HAPSTR1: variants seen among roughly 807,000 people sequenced by gnomAD.
The protein encoded by HAPSTR1 is HUWE1-associated protein modifying stress responses 1.
the HAPSTR1 span, chr16:9,113,175 A>G: frequency 6.6e-6 from 1 of 152,162 alleles, no homozygotes; most frequent in Non-Finnish European, 1.5e-5. Context: ...TGGGCTGTCA[A>G]AATGCACATT....
the HAPSTR1 span, chr16:9,103,939 T>C: frequency 6.6e-6 from 1 of 152,264 alleles, no homozygotes. Flanking sequence ...TGCTTGTTGC[T>C]GTCTAATACA....
chr16:9,103,298 A>G, the HAPSTR1 span: 5 of 1,593,502 alleles, frequency 3.1e-6, no homozygotes, highest in South Asian at 2.3e-5. Context: ...AAAAATGGTT[A>G]AGAGGGTGCC....
At chr16:9,106,465 A>C in the HAPSTR1 span, 103,832 of 151,336 alleles carry the variant, frequency 0.69, 35,768 homozygotes, top group East Asian at 0.79. Flanking sequence ...TTTGTAGTAG[A>C]GATGGGGTTT....
the HAPSTR1 span, among the ~76,000 whole-genome samples, chr16:9,095,383 A>G: frequency 6.6e-6 from 1 of 152,232 alleles, no homozygotes; most frequent in Non-Finnish European, 1.5e-5. Context: ...ATGCAGCAGT[A>G]AGTAGTACTA....
chr16:9,120,123 A>G, the HAPSTR1 span: 2 of 152,190 alleles, frequency 1.3e-5, no homozygotes, highest in African/African-American at 4.8e-5. Flanking sequence ...TGCTTCATTC[A>G]TTAGATTGGT....
At chr16:9,093,350 G>C in the HAPSTR1 span, among the ~76,000 whole-genome samples, 2 of 152,188 alleles carry the variant, frequency 1.3e-5, no homozygotes, top group Non-Finnish European at 2.9e-5. Context: ...CCTAAAGTCA[G>C]TAGTGCTCAG....
At chr16:9,092,854 T>G in the HAPSTR1 span, 6 of 1,411,650 alleles carry the variant, frequency 4.3e-6, no homozygotes, top group Non-Finnish European at 4.8e-6. Context: ...CTTGTTCTCT[T>G]TCTTTCTCTT....
the HAPSTR1 span, chr16:9,112,821 CTAATCATT>C: frequency 6.6e-6 from 1 of 152,132 alleles, no homozygotes; most frequent in Non-Finnish European, 1.5e-5. Context: ...TACCCCTGGA[CTAATCATT>C]TAAAATGGAT....
At chr16:9,104,577 T>G in the HAPSTR1 span, 2 of 152,218 alleles carry the variant, frequency 1.3e-5, no homozygotes. Flanking sequence ...CGTAGTTCTT[T>G]CCTGAAACCC....
At chr16:9,104,496 A>G in the HAPSTR1 span, 1 of 152,236 alleles carries the variant, frequency 6.6e-6, no homozygotes, top group Admixed American at 6.5e-5. Flanking sequence ...GTGGCATATA[A>G]AGAAACTTTA....
chr16:9,102,005 C>G, the HAPSTR1 span, among the ~76,000 whole-genome samples: 1,656 of 152,272 alleles, frequency 0.011, 22 homozygotes, highest in Admixed American at 0.016. Context: ...CCTGTAATCC[C>G]AGCTACTCAG....
At chr16:9,101,552 C>G in the HAPSTR1 span, among the ~76,000 whole-genome samples, 1 of 152,048 alleles carries the variant, frequency 6.6e-6, no homozygotes, top group South Asian at 2.1e-4. Context: ...CATCCCAGGT[C>G]CTACTTTGAT....
At chr16:9,103,699 T>G in the HAPSTR1 span, 1 of 162,756 alleles carries the variant, frequency 6.1e-6, no homozygotes, top group Admixed American at 5.9e-5. Context: ...ACACCTTTCT[T>G]ACTTGGTTTG....
the HAPSTR1 span, chr16:9,106,480 A>C: frequency 1.3e-5 from 2 of 151,746 alleles, no homozygotes; most frequent in South Asian, 4.2e-4. Context: ...GGGTTTCATC[A>C]TGTTGGCGAA....
chr16:9,096,107 G>T, the HAPSTR1 span, among the ~76,000 whole-genome samples: 7 of 152,074 alleles, frequency 4.6e-5, no homozygotes, highest in Non-Finnish European at 1.0e-4. Context: ...TACCTTTATG[G>T]TCCTGGAGAC....
chr16:9,104,446 T>G, the HAPSTR1 span: 3 of 152,286 alleles, frequency 2.0e-5, no homozygotes, highest in Admixed American at 2.0e-4. Flanking sequence ...ATAGTACAGG[T>G]CATCTAAAAC....
At chr16:9,091,894 G>T in the HAPSTR1 span, 1 of 536,154 alleles carries the variant, frequency 1.9e-6, no homozygotes. Context: ...GCCGGCCGTC[G>T]GGGTGCAGGA....
the HAPSTR1 span, among the ~76,000 whole-genome samples, chr16:9,115,527 T>G: frequency 6.6e-6 from 1 of 152,186 alleles, no homozygotes; most frequent in Non-Finnish European, 1.5e-5. Context: ...CCTGAATGTT[T>G]AGGAGTGGAA....
chr16:9,096,569 T>TG, the HAPSTR1 span, among the ~76,000 whole-genome samples: 1 of 152,172 alleles, frequency 6.6e-6, no homozygotes. Context: ...TAACTGTAAA[T>TG]GTGTGGGCCA....
Sources: gnomAD v4.1 joint callset for allele counts (sites outside exome capture counted in the v4.1 genomes callset) on GRCh38, gnomAD v4.1.1 for gene constraint, MANE v1.5 for transcripts, NCBI Gene and HGNC (gene_info 2026-07-23, HGNC 2026-07-21) for gene names.